The following PROM1 variants were observed in gnomAD, a reference collection of about 807,000 sequenced individuals.
PROM1 encodes the protein prominin-1.
PROM1 carries 105 observed loss-of-function variants against 116.9 expected under a neutral mutation model. The ratio of observed to expected loss-of-function variants is 0.90; its 90% CI spans 0.77 to 1.06. The LOEUF is 1.06. PROM1 is among the 50% of genes least tolerant of loss of function. The pLI is 0.00. For synonymous variants in PROM1, 393 were observed against 387.0 expected, an observed-to-expected ratio of 1.02 and a Z score of -0.18; for missense variants, 1,122 against 1,045.2, an observed-to-expected ratio of 1.07 and a Z score of -1.01.
intron 10 of PROM1, among the ~76,000 whole-genome samples, chr4:16,014,886 A>G (rs1727895662): frequency 6.6e-6 from 1 of 152,232 alleles, no homozygotes; most frequent in Non-Finnish European, 1.5e-5. Context: ...TTCCAGACCA[A>G]TGCTGTCCCT....
intron 26 of PROM1, 39 bp from the exon 27 acceptor site, chr4:15,971,121 C>G: frequency 6.5e-7 from 1 of 1,531,216 alleles, no homozygotes; most frequent in Non-Finnish European, 8.8e-7. Context: ...ATACCCCCAA[C>G]AAAGCTGTGG....
At chr4:16,013,365 T>C in intron 10 of PROM1, 27 bp from the exon 11 acceptor site, 1 of 1,529,394 alleles carries the variant, frequency 6.5e-7, no homozygotes, top group Non-Finnish European at 9.1e-7. Context: ...AATAAAAGGA[T>C]GTACACAGTT....
At chr4:16,067,651 T>C (rs1741835371) in intron 2 of PROM1, among the ~76,000 whole-genome samples, 1 of 152,068 alleles carries the variant, frequency 6.6e-6, no homozygotes, top group Non-Finnish European at 1.5e-5. Context: ...CCAGCATGAG[T>C]CACATGTTCT....
At chr4:16,030,576 C>A (rs569945932) in intron 5 of PROM1, among the ~76,000 whole-genome samples, 1 of 152,052 alleles carries the variant, frequency 6.6e-6, no homozygotes, top group Non-Finnish European at 1.5e-5. Context: ...AAAACGGTAG[C>A]TTTCATTTTA....
rs1553901823 is a variant in PROM1 at position 16,000,495 on chromosome 4, C to T, written c.1578+1G>A. On this transcript the variant is annotated splice_donor_variant, in intron 14 of 27. Transcript: ENST00000447510. LOFTEE classifies it high-confidence loss of function. The stretch of plus-strand genomic sequence containing the variant: ...CATAATGGGTAGAAAATCATATTTA[C>T]CCGGAATAATTCCTTGCTCGTGTAA... 2 of 1,581,316 alleles carry T rather than the reference C, an allele frequency of 1.3e-6. No homozygotes were observed. Among genetic ancestry groups the T allele is most frequent in the Non-Finnish European group, 1.7e-6 (2 of 1,154,968 alleles).
In PROM1 at chr4:16,075,843, G is replaced by A; in HGVS notation, c.64C>T (p.Gln22Ter). Residue 22 changes from glutamine (Q) to a stop codon, truncating the protein, a stop_gained, in exon 2 of 28, where the codon CAG (glutamine) becomes TAG (stop). Transcript: ENST00000447510. LOFTEE classifies it high-confidence loss of function. ...GLCGNSFSGG[Q>*]PSSTDAPKAW... The stretch of plus-strand genomic sequence containing the variant: ...TTAGGAGCATCTGTGGATGAAGGCT[G>A]CCCTCCTGAAAAGGAGTTCCCGCAC... The A allele has an allele frequency of 6.2e-7, 1 of 1,613,732 alleles. No homozygotes were observed. The highest frequency in any genetic ancestry group is 8.5e-7 in the Non-Finnish European group (1 of 1,179,808).
intron 23 of PROM1, among the ~76,000 whole-genome samples, chr4:15,982,657 G>A (rs1718262955): frequency 6.6e-6 from 1 of 152,168 alleles, no homozygotes; most frequent in Admixed American, 6.5e-5. Flanking sequence ...TGGTGGCTAT[G>A]TGGTTCGACT....
chr4:15,999,193 C>A (rs529024326), intron 14 of PROM1, among the ~76,000 whole-genome samples: 4 of 151,602 alleles, frequency 2.6e-5, no homozygotes, highest in African/African-American at 9.7e-5. Context: ...CACACTTGGC[C>A]GGGCGCTGTG....
chr4:16,033,574 G>A (rs1438434448), intron 4 of PROM1, 65 bp from the exon 5 acceptor site: 2 of 685,568 alleles, frequency 2.9e-6, no homozygotes, highest in Non-Finnish European at 4.5e-6. Flanking sequence ...ACATTCCATG[G>A]TGTACAAAGT....
intron 19 of PROM1, among the ~76,000 whole-genome samples, chr4:15,988,038 G>A (rs762212008): frequency 3.3e-5 from 5 of 151,942 alleles, no homozygotes; most frequent in Admixed American, 6.6e-5. Context: ...CACCACGCCC[G>A]GCTAATTTTT....
chr4:16,028,635 T>G (rs187829282), intron 5 of PROM1, among the ~76,000 whole-genome samples: 415 of 152,196 alleles, frequency 2.7e-3, no homozygotes, highest in Non-Finnish European at 4.8e-3. Flanking sequence ...AGTGTATTTT[T>G]TAGCAAAAAA....
chr4:15,994,870 G>A (rs1047772440), intron 15 of PROM1, among the ~76,000 whole-genome samples: 1 of 152,176 alleles, frequency 6.6e-6, no homozygotes, highest in African/African-American at 2.4e-5. Flanking sequence ...CTTCCCTCCA[G>A]AGAACAAGCG....
At chr4:16,057,015 A>G (rs1014623585) in intron 2 of PROM1, among the ~76,000 whole-genome samples, 2 of 152,216 alleles carry the variant, frequency 1.3e-5, no homozygotes, top group Admixed American at 6.5e-5. Flanking sequence ...TTGCAATACA[A>G]CGCTTAGGAA....
intron 2 of PROM1, among the ~76,000 whole-genome samples, chr4:16,048,220 TG>T (rs1336493613): frequency 6.6e-6 from 1 of 152,194 alleles, no homozygotes; most frequent in Non-Finnish European, 1.5e-5. Flanking sequence ...TAAGTGATTC[TG>T]GGGGGACCCA....
At chr4:16,063,964 T>C (rs1374137996) in intron 2 of PROM1, among the ~76,000 whole-genome samples, 1 of 152,162 alleles carries the variant, frequency 6.6e-6, no homozygotes, top group African/African-American at 2.4e-5. Flanking sequence ...AAACAGGGAC[T>C]CATTAGACTC....
intron 2 of PROM1, among the ~76,000 whole-genome samples, chr4:16,043,233 G>C (rs1489121669): frequency 6.6e-6 from 1 of 152,158 alleles, no homozygotes; most frequent in Non-Finnish European, 1.5e-5. Flanking sequence ...CCTATAACTT[G>C]GTTTAGGAGT....
intron 26 of PROM1, among the ~76,000 whole-genome samples, chr4:15,974,155 T>C (rs1283855128): frequency 6.8e-6 from 1 of 147,444 alleles, no homozygotes; most frequent in Non-Finnish European, 1.5e-5. Flanking sequence ...AAGAACTCCC[T>C]AGCAGCTGAA....
intron 5 of PROM1, among the ~76,000 whole-genome samples, chr4:16,029,874 T>A (rs1376821912): frequency 6.6e-5 from 10 of 152,192 alleles, no homozygotes; most frequent in African/African-American, 2.4e-4. Flanking sequence ...GAAGTCAATG[T>A]CAGCTAGAGG....
At chr4:15,982,942 G>A (rs927190730) in intron 23 of PROM1, among the ~76,000 whole-genome samples, 3 of 152,148 alleles carry the variant, frequency 2.0e-5, no homozygotes, top group African/African-American at 7.2e-5. Context: ...GGACAGACAG[G>A]GCAATAGGGA....
Sources: allele counts gnomAD v4.1 joint callset (sites outside exome capture counted in the v4.1 genomes callset), GRCh38; gene constraint gnomAD v4.1.1; transcripts MANE v1.5; gene names NCBI Gene and HGNC (gene_info 2026-07-23, HGNC 2026-07-21).